MICAL3: variants seen among roughly 807,000 people sequenced by gnomAD.
The protein encoded by MICAL3 is microtubule associated monooxygenase, calponin and LIM domain containing 3, also known as [F-actin]-monooxygenase MICAL3.
A neutral mutation model predicts 207.4 loss-of-function variants in MICAL3; 62 were observed. The observed-to-expected ratio is 0.30, with a 90% confidence interval of 0.24 to 0.37. The LOEUF (loss-of-function observed/expected upper bound fraction) is 0.37. Among genes scored for constraint, MICAL3 ranks in the 10% least tolerant of loss-of-function variants. The pLI is 1.00. For missense variants in MICAL3, 2,368 were observed against 2,635.6 expected, an observed-to-expected ratio of 0.90 and a Z score of 2.22; for synonymous variants, 1,077 against 1,069.3, an observed-to-expected ratio of 1.01 and a Z score of -0.14.
intron 27 of MICAL3, chr22:17,815,159 A>C (rs1163052231): frequency 6.6e-6 from 1 of 152,364 alleles, no homozygotes; most frequent in African/African-American, 2.4e-5. Context: ...CTCTGGCTCT[A>C]GGGTTCCATG....
chr22:17,810,306 G>A (rs419352), intron 28 of MICAL3, among the ~76,000 whole-genome samples: 61,394 of 151,774 alleles, frequency 0.4, 13,739 homozygotes, highest in African/African-American at 0.61. Flanking sequence ...CTTGTGATCC[G>A]CCCGCCTTGG....
chr22:17,956,084 G>A (rs1432180351), intron 1 of MICAL3, among the ~76,000 whole-genome samples: 1 of 152,184 alleles, frequency 6.6e-6, no homozygotes, highest in East Asian at 1.9e-4. Flanking sequence ...TATAGGAGAG[G>A]CAGCTGCAGA....
Position 17,895,275 on chromosome 22 carries a change from A to G in MICAL3, c.1449+9T>C. On this transcript the variant is annotated intron_variant, in intron 10 of 31. Transcript: ENST00000441493. ...GGCCCAGATGTAAATACTGACAAGAAGGTCTTACCTGGCTTGGCCGGAGGA... is the reference window on the plus strand; with the variant it reads ...GGCCCAGATGTAAATACTGACAAGAGGGTCTTACCTGGCTTGGCCGGAGGA... 6.2e-7 allele frequency: 1 copy of G among 1,613,078 alleles called. No individual in the cohort carries two copies. The highest frequency in any genetic ancestry group is 8.5e-7 in the Non-Finnish European group (1 of 1,179,488).
chr22:17,808,029 G>A (rs543087632), intron 29 of MICAL3, among the ~76,000 whole-genome samples: 10 of 152,360 alleles, frequency 6.6e-5, no homozygotes, highest in South Asian at 6.2e-4. Context: ...CTGCACCCCC[G>A]GGGCTGGTCC....
intron 16 of MICAL3, chr22:17,884,229 A>G: frequency 7.3e-7 from 1 of 1,365,688 alleles, no homozygotes. Context: ...AGGGGTAGGA[A>G]GGCCTGGAGA....
chr22:17,884,269 C>CT, intron 16 of MICAL3: 1 of 1,587,642 alleles, frequency 6.3e-7, no homozygotes, highest in Non-Finnish European at 8.6e-7. Context: ...CTGGCAGTTC[C>CT]TTTACCTGTT....
At chr22:17,799,664 C>T (rs955250069) in intron 29 of MICAL3, among the ~76,000 whole-genome samples, 13 of 152,256 alleles carry the variant, frequency 8.5e-5, no homozygotes, top group African/African-American at 3.1e-4. Flanking sequence ...AAACCTCGGG[C>T]GATGACAAAC....
intron 17 of MICAL3, among the ~76,000 whole-genome samples, chr22:17,867,773 G>C (rs926376389): frequency 1.3e-5 from 2 of 152,218 alleles, no homozygotes; most frequent in Admixed American, 1.3e-4. Context: ...ATAAAGTTAA[G>C]GCTTCAACTG....
At chr22:17,952,247 T>C (rs992167579) in intron 1 of MICAL3, among the ~76,000 whole-genome samples, 4 of 152,238 alleles carry the variant, frequency 2.6e-5, no homozygotes, top group African/African-American at 9.6e-5. Context: ...AAGTAAGCAC[T>C]GTTCTAAGTA....
At chr22:17,877,216 T>TTATGGAGGTTAG (rs1928725931) in intron 16 of MICAL3, among the ~76,000 whole-genome samples, 1 of 17,166 alleles carries the variant, frequency 5.8e-5, no homozygotes. Flanking sequence ...ATGGAGGTTA[T>TTATGGAGGTTAG]GGAGGTTAGG....
intron 1 of MICAL3, among the ~76,000 whole-genome samples, chr22:17,976,558 T>TGTGTGTGA (rs1389551497): frequency 1.2e-5 from 1 of 80,614 alleles, no homozygotes; most frequent in African/African-American, 7.9e-5. Flanking sequence ...TGTGTGTGTG[T>TGTGTGTGA]GTGTATATAT....
intron 1 of MICAL3, among the ~76,000 whole-genome samples, chr22:17,941,180 G>A (rs1481967032): frequency 6.6e-6 from 1 of 152,192 alleles, no homozygotes; most frequent in Non-Finnish European, 1.5e-5. Flanking sequence ...TCTTCACTCA[G>A]AACTGCTCCA....
chr22:17,847,958 C>A (rs1435978184), intron 19 of MICAL3, among the ~76,000 whole-genome samples: 4 of 152,192 alleles, frequency 2.6e-5, no homozygotes, highest in African/African-American at 9.7e-5. Flanking sequence ...AGCCACCACA[C>A]CCAGCCCAGC....
chr22:17,865,740 C>T (rs2146143727), intron 18 of MICAL3, among the ~76,000 whole-genome samples, 184 bp downstream of exon 18: 1 of 152,342 alleles, frequency 6.6e-6, no homozygotes, highest in Non-Finnish European at 1.5e-5. Flanking sequence ...AGCGAGGCAA[C>T]CTCAGATCAT....
At chr22:17,976,589 AT>A (rs1195101695) in intron 1 of MICAL3, among the ~76,000 whole-genome samples, 80 of 67,124 alleles carry the variant, frequency 1.2e-3, no homozygotes, top group East Asian at 6.1e-3. Context: ...ATATATATAT[AT>A]TTTTTTTTTT....
At chr22:17,951,720 A>T (rs1934358548) in intron 1 of MICAL3, among the ~76,000 whole-genome samples, 1 of 150,204 alleles carries the variant, frequency 6.7e-6, no homozygotes, top group Non-Finnish European at 1.5e-5. Flanking sequence ...TTTTTGAGAC[A>T]GGGTCTCGCT....
At chr22:17,901,799 C>A in intron 5 of MICAL3, 79 bp downstream of exon 5, 3 of 1,104,408 alleles carry the variant, frequency 2.7e-6, no homozygotes, top group Non-Finnish European at 4.0e-6. Flanking sequence ...ACGCTGGTCA[C>A]GCACAGTCTC....
chr22:17,878,002 G>A (rs543979346), intron 16 of MICAL3, among the ~76,000 whole-genome samples: 19 of 152,172 alleles, frequency 1.2e-4, no homozygotes, highest in East Asian at 1.2e-3. Context: ...ACAGGCACCC[G>A]CCACCATGCC....
rs1358419928 is a variant in MICAL3 at position 17,853,972 on chromosome 22, A to G, written c.2605+10927T>C. On this transcript the variant is annotated intron_variant, in intron 19 of 31. Coordinates refer to ENST00000441493, the MANE Select transcript of MICAL3 (RefSeq NM_015241.3). ...TGTTCACGGTTTTGTGGGGGCTGAC[A>G]GGTCTGGAGGCCTGGGCTGGGAGCT... Among the ~76,000 whole-genome samples, 8 of 152,320 alleles carry G rather than the reference A, an allele frequency of 5.3e-5. No individual in the cohort carries two copies. The East Asian group carries it at 9.6e-4, about 18-fold the overall frequency.
Sources: allele counts gnomAD v4.1 joint callset (sites outside exome capture counted in the v4.1 genomes callset), GRCh38; gene constraint gnomAD v4.1.1; transcripts MANE v1.5; gene names NCBI Gene and HGNC (gene_info 2026-07-23, HGNC 2026-07-21).